Variants in NF1 observed in about 807,000 individuals in gnomAD.
NF1 encodes the protein neurofibromin 1, also known as neurofibromin.
NF1 carries 122 observed loss-of-function variants against 325.7 expected under a neutral mutation model. The observed-to-expected ratio is 0.37, with a 90% CI of 0.32 to 0.44. NF1 has a LOEUF of 0.44. Among genes scored for constraint, NF1 ranks in the 20% least tolerant of loss-of-function variants. The pLI is 1.00. For missense variants in NF1, 2,140 were observed against 3,415.4 expected, an observed-to-expected ratio of 0.63 and a Z score of 9.31; for synonymous variants, 1,091 against 1,186.0, an observed-to-expected ratio of 0.92 and a Z score of 1.65.
At chr17:31,170,148 G>T in intron 5 of NF1, 151 bp downstream of exon 5, 1 of 605,756 alleles carries the variant, frequency 1.7e-6, no homozygotes, top group South Asian at 1.9e-5. Flanking sequence ...AATACAAATG[G>T]GTAATTATTT....
intron 57 of NF1, among the ~76,000 whole-genome samples, chr17:31,371,590 A>G (rs899275540): frequency 1.3e-5 from 2 of 152,252 alleles, no homozygotes; most frequent in Admixed American, 1.3e-4. Flanking sequence ...TGTTACCCAG[A>G]GAAAAGTTCC....
At chr17:31,187,107 ATGGT>A (rs1317858202) in intron 8 of NF1, among the ~76,000 whole-genome samples, 2 of 152,212 alleles carry the variant, frequency 1.3e-5, no homozygotes, top group African/African-American at 4.8e-5. Flanking sequence ...ACCCACCATC[ATGGT>A]ATTCCACACA....
In NF1 at chr17:31,144,315, A is replaced by G. The variant is rs147160113; in HGVS notation, c.61-11668A>G. The stretch of plus-strand genomic sequence containing the variant: ...CTCTTGAGTAAGACTGTTTTCTAAC[A>G]TACAGCAACAAGAGGGTTCTTTTTA... On this transcript the variant is annotated intron_variant, in intron 1 of 57. Coordinates refer to ENST00000358273, the MANE Select transcript of NF1 (RefSeq NM_001042492.3). Among the ~76,000 whole-genome samples the G allele has an allele frequency of 3.6e-3, 544 of 152,342 alleles. 6 individuals carry two copies. The highest frequency in any genetic ancestry group is 0.012 in the African/African-American group (516 of 41,580).
At chr17:31,217,121 T>C (rs1227750715) in intron 13 of NF1, among the ~76,000 whole-genome samples, 1 of 152,184 alleles carries the variant, frequency 6.6e-6, no homozygotes, top group East Asian at 1.9e-4. Context: ...CTCTTTTTCA[T>C]TGTTGTGTCT....
chr17:31,222,440 G>A lies in NF1; in HGVS notation c.1721+511G>A, dbSNP rs1597707447. The A allele has an allele frequency of 3.9e-6, 4 of 1,032,042 alleles. No homozygotes were observed. In the South Asian group the frequency reaches 1.8e-4, roughly 48 times the overall value. 63.9% of individuals were successfully genotyped at this position (1,032,042 alleles called of 1,614,324 possible). On this transcript the variant is annotated intron_variant, in intron 15 of 57. Coordinates refer to ENST00000358273, the MANE Select transcript of NF1 (RefSeq NM_001042492.3). ...TATACAAATCATTACATTTTAATGA[G>A]CATGAAGTCACCACACGGAGGAAAA...
At chr17:31,098,597 G>A (rs1911989251) in intron 1 of NF1, among the ~76,000 whole-genome samples, 1 of 151,984 alleles carries the variant, frequency 6.6e-6, no homozygotes, top group African/African-American at 2.4e-5. Context: ...TTTTATTGAG[G>A]GGAGAAAAAG....
rs786202231 is a variant in NF1 at position 31,248,972 on chromosome 17, AT to A, written c.3975-5del. 1 of 1,613,066 alleles carries A rather than the reference AT, an allele frequency of 6.2e-7. No homozygotes were observed. Among genetic ancestry groups the A allele is most frequent in the South Asian group, 1.1e-5 (1 of 91,058 alleles). ...ACAAAAGTGTTAGGATTTTATTTTT[AT>A]TTTTTTGTAGGTTAGAACCATCAGA... On this transcript the variant is annotated splice_polypyrimidine_tract_variant and intron_variant, in intron 29 of 57. Coordinates refer to ENST00000358273, the MANE Select transcript of NF1 (RefSeq NM_001042492.3).
At chr17:31,146,975 G>A (rs1916628932) in intron 1 of NF1, among the ~76,000 whole-genome samples, 1 of 152,240 alleles carries the variant, frequency 6.6e-6, no homozygotes, top group African/African-American at 2.4e-5. Flanking sequence ...GAACTGGGTA[G>A]CACCTCAGTG....
At chr17:31,240,049 C>T (rs1412890159) in intron 29 of NF1, among the ~76,000 whole-genome samples, 2 of 152,222 alleles carry the variant, frequency 1.3e-5, no homozygotes, top group African/African-American at 2.4e-5. Context: ...CAGGCGTCAG[C>T]CACCGTGCCC....
At chr17:31,099,090 G>A (rs866693771) in intron 1 of NF1, among the ~76,000 whole-genome samples, 3 of 151,982 alleles carry the variant, frequency 2.0e-5, no homozygotes, top group Non-Finnish European at 2.9e-5. Flanking sequence ...ACCACTTAAC[G>A]CCCCCAGGGA....
chr17:31,139,778 C>T lies in NF1; in HGVS notation c.61-16205C>T, dbSNP rs183588849. Among the ~76,000 whole-genome samples the T allele has an allele frequency of 3.5e-3, 536 of 152,232 alleles. 1 individual carries two copies. Among genetic ancestry groups the T allele is most frequent in the Middle Eastern group, 0.01 (3 of 294 alleles). On this transcript the variant is annotated intron_variant, in intron 1 of 57. Transcript: ENST00000358273. ...GGTTTATGGTATAGAGATTTTCACTCGTTAAGAAAGTAACAAAGTAAGGAA... is the reference window on the plus strand; with the variant it reads ...GGTTTATGGTATAGAGATTTTCACTTGTTAAGAAAGTAACAAAGTAAGGAA...
At chr17:31,364,279 A>G (rs2070466329) in intron 57 of NF1, among the ~76,000 whole-genome samples, 1 of 152,208 alleles carries the variant, frequency 6.6e-6, no homozygotes. Flanking sequence ...ACATCAACCT[A>G]TACTTAGTCA....
intron 1 of NF1, among the ~76,000 whole-genome samples, chr17:31,115,960 TAAA>T (rs540057077): frequency 1.2e-4 from 19 of 152,302 alleles, no homozygotes; most frequent in African/African-American, 4.3e-4. Context: ...ACTTCCACAT[TAAA>T]AAAGATCAAA....
Position 31,223,514 on chromosome 17 carries a change from A to G in NF1, c.1792A>G (p.Lys598Glu), listed in dbSNP as rs2144016542. Residue 598 changes from lysine to glutamate, a missense_variant, in exon 16 of 58, where the codon AAG (lysine) becomes GAG (glutamate). By Grantham distance (56) the Lys-to-Glu change is moderately conservative. This residue lies in a region of NF1 where 179 missense variants were observed against 381.0 expected (regional missense o/e 0.47). Transcript: ENST00000358273. ...AATGCTTAGTAGCACAGAAATTCTC[A>G]AGTGGTTGCGGGAAATATTGATCTG... ...HQMLSSTEIL[K>E]WLREILICRN... The G allele has an allele frequency of 6.2e-7, 1 of 1,612,992 alleles. No homozygotes were observed. The highest frequency in any genetic ancestry group is 8.5e-7 in the Non-Finnish European group (1 of 1,179,164).
rs540818953 is a variant in NF1 at position 31,305,809 on chromosome 17, A to T, written c.4836-20011A>T. ...CTTGATACACTGTAGGTTTGGTGTA[A>T]CAACTCTTGGATATACTCTAACCCA... is the stretch of plus-strand genomic sequence containing the variant. On this transcript the variant is annotated intron_variant, in intron 36 of 57. Transcript: ENST00000358273. 2.0e-5 allele frequency among the ~76,000 whole-genome samples: 3 copies of T among 152,320 alleles called. No individual in the cohort carries two copies. The East Asian group carries it at 5.8e-4, about 29-fold the overall frequency.
Position 31,321,729 on chromosome 17 carries a change from C to T in NF1, c.4836-4091C>T, listed in dbSNP as rs1213071933. ...ACAGGAGGGAAAAAAAAAAAAACAA[C>T]GAAAAAGCTCCAACTTCTCTAGTTG... On this transcript the variant is annotated intron_variant, in intron 36 of 57. Coordinates refer to ENST00000358273, the MANE Select transcript of NF1 (RefSeq NM_001042492.3). 8 of 150,612 alleles carry T rather than the reference C, an allele frequency of 5.3e-5. No individual in the cohort carries two copies. In the East Asian group the frequency reaches 7.8e-4, roughly 15 times the overall value. The allele number at this position is 150,612 out of a possible 1,614,324, so 9.3% of individuals were successfully genotyped here.
chr17:31,337,223 A>G (rs1010615529), intron 42 of NF1, 145 bp from the exon 43 acceptor site: 13 of 714,510 alleles, frequency 1.8e-5, no homozygotes, highest in African/African-American at 1.4e-4. Flanking sequence ...CATTAATACA[A>G]TGTATCTAGA....
intron 5 of NF1, among the ~76,000 whole-genome samples, chr17:31,171,305 A>G (rs1040087151): frequency 6.6e-6 from 1 of 152,226 alleles, no homozygotes; most frequent in Non-Finnish European, 1.5e-5. Flanking sequence ...ATAAACCACC[A>G]TTGAATTAAT....
chr17:31,249,170 A>G, intron 30 of NF1, 51 bp downstream of exon 30: 2 of 1,590,516 alleles, frequency 1.3e-6, no homozygotes, highest in South Asian at 1.1e-5. Flanking sequence ...TAAATTATGA[A>G]GAATGCTTTA....
Sources: allele counts gnomAD v4.1 joint callset (sites outside exome capture counted in the v4.1 genomes callset), GRCh38; gene constraint gnomAD v4.1.1; regional missense constraint gnomAD v4.1.1; transcripts MANE v1.5; gene names NCBI Gene and HGNC (gene_info 2026-07-23, HGNC 2026-07-21).